The following CSMD1 variants were observed in gnomAD, a reference collection of about 807,000 sequenced individuals.
CSMD1 encodes CUB and Sushi multiple domains 1, also known as CUB and sushi domain-containing protein 1.
CSMD1 carries 213 observed loss-of-function variants against 417.5 expected under a neutral mutation model. The ratio of observed to expected loss-of-function variants is 0.51; its 90% CI spans 0.46 to 0.57. CSMD1 has a LOEUF of 0.57. Ranked by LOEUF, CSMD1 falls within the 20% of genes least tolerant of loss-of-function variation. The probability of loss-of-function intolerance (pLI) is 0.00; values close to 1 mark genes in which losing one functional copy is unlikely to be tolerated. For missense variants in CSMD1, 6,923 were observed against 4,529.7 expected (o/e 1.53, Z -15.17); for synonymous variants, 2,862 against 1,736.8 (o/e 1.65, Z -16.11).
At chr8:3,669,466 A>AGAGG (rs1798873658) in intron 7 of CSMD1, among the ~76,000 whole-genome samples, 1 of 152,134 alleles carries the variant, frequency 6.6e-6, no homozygotes, top group Admixed American at 6.6e-5. Context: ...TCATTCATTC[A>AGAGG]ACATCAGTAA....
Position 3,097,047 on chromosome 8 carries a change from A to G in CSMD1, c.6950-10T>C. 6.6e-7 allele frequency: 1 copy of G among 1,511,578 alleles called. No individual in the cohort carries two copies. Among genetic ancestry groups the G allele is most frequent in the Admixed American group, 2.3e-5 (1 of 43,828 alleles). The allele number at this position is 1,511,578 out of a possible 1,614,324, so 93.6% of individuals were successfully genotyped here. ...TTTGCTGGGCATTGTGCTGGAGAGAAAAGTACCAGCAAAAGTTTGCTTTAA... is the reference window on the plus strand; with the variant it reads ...TTTGCTGGGCATTGTGCTGGAGAGAGAAGTACCAGCAAAAGTTTGCTTTAA... On this transcript the variant is annotated splice_polypyrimidine_tract_variant and intron_variant, in intron 46 of 69. Coordinates refer to ENST00000635120, the MANE Select transcript of CSMD1 (RefSeq NM_033225.6).
At chr8:3,150,387 C>G (rs1224920998) in intron 40 of CSMD1, among the ~76,000 whole-genome samples, 1 of 152,168 alleles carries the variant, frequency 6.6e-6, no homozygotes, top group Non-Finnish European at 1.5e-5. Flanking sequence ...GCATTTCCCA[C>G]GTCCAGCGCC....
intron 5 of CSMD1, among the ~76,000 whole-genome samples, chr8:3,829,591 A>G (rs753354915): frequency 2.0e-4 from 31 of 152,160 alleles, no homozygotes; most frequent in Non-Finnish European, 4.3e-4. Context: ...ACTTAGAATA[A>G]TGATGGGCCC....
chr8:4,922,654 G>A (rs569202853), intron 1 of CSMD1, among the ~76,000 whole-genome samples: 12 of 152,230 alleles, frequency 7.9e-5, no homozygotes, highest in East Asian at 3.9e-4. Context: ...CAGTTCACAT[G>A]GTGCAGCCTG....
chr8:4,862,230 A>T (rs1236032083), intron 1 of CSMD1, among the ~76,000 whole-genome samples: 4 of 151,978 alleles, frequency 2.6e-5, no homozygotes, highest in African/African-American at 9.7e-5. Flanking sequence ...ACAGAAAGTG[A>T]GGTAGAGAGG....
chr8:4,266,992 CTT>C (rs1480440731), intron 3 of CSMD1, among the ~76,000 whole-genome samples: 1 of 104,272 alleles, frequency 9.6e-6, no homozygotes, highest in African/African-American at 2.6e-5. Flanking sequence ...ATAAAAATCA[CTT>C]TTGTGATTTT....
At chr8:3,541,641 T>G (rs960669645) in intron 10 of CSMD1, among the ~76,000 whole-genome samples, 1 of 149,954 alleles carries the variant, frequency 6.7e-6, no homozygotes, top group African/African-American at 2.4e-5. Flanking sequence ...CGTTCTTCAC[T>G]AATCAAATTA....
chr8:4,220,519 A>C (rs1342482668), intron 3 of CSMD1, among the ~76,000 whole-genome samples: 1 of 152,218 alleles, frequency 6.6e-6, no homozygotes, highest in African/African-American at 2.4e-5. Context: ...TCCTAGTGCA[A>C]GAGTGGAAAC....
intron 3 of CSMD1, among the ~76,000 whole-genome samples, chr8:4,380,020 G>A (rs903813701): frequency 1.3e-5 from 2 of 152,212 alleles, no homozygotes; most frequent in Admixed American, 6.5e-5. Context: ...GAAACTCAAT[G>A]TGGGTAGCCC....
chr8:3,776,496 T>A (rs1563068753), intron 5 of CSMD1, among the ~76,000 whole-genome samples: 2 of 152,134 alleles, frequency 1.3e-5, no homozygotes, highest in Admixed American at 1.3e-4. Flanking sequence ...CATTTCCTGC[T>A]CTCTCTTAAA....
At chr8:3,818,559 G>A (rs542154263) in intron 5 of CSMD1, among the ~76,000 whole-genome samples, 1 of 152,252 alleles carries the variant, frequency 6.6e-6, no homozygotes, top group East Asian at 1.9e-4. Flanking sequence ...AGACTAGCCA[G>A]CATGAAGACG....
chr8:4,246,208 T>C (rs934213956), intron 3 of CSMD1, among the ~76,000 whole-genome samples: 1 of 152,170 alleles, frequency 6.6e-6, no homozygotes, highest in African/African-American at 2.4e-5. Flanking sequence ...CAGTGTGTGT[T>C]GTTCCCCCAG....
chr8:4,022,386 A>G (rs1021131263), intron 4 of CSMD1, among the ~76,000 whole-genome samples: 2 of 152,084 alleles, frequency 1.3e-5, no homozygotes, highest in African/African-American at 4.8e-5. Flanking sequence ...TGTAAAAATT[A>G]TGGGAGGACA....
At chr8:3,254,072 G>A (rs2117047949) in intron 26 of CSMD1, among the ~76,000 whole-genome samples, 1 of 152,272 alleles carries the variant, frequency 6.6e-6, no homozygotes, top group South Asian at 2.1e-4. Flanking sequence ...CAGGCCTGGT[G>A]GTGACAGAAT....
At chr8:4,096,549 A>C (rs1801020959) in intron 3 of CSMD1, among the ~76,000 whole-genome samples, 1 of 150,382 alleles carries the variant, frequency 6.6e-6, no homozygotes, top group South Asian at 2.1e-4. Flanking sequence ...ATCCTTTCTT[A>C]ACGATTGATA....
At chr8:4,111,532 C>A (rs934070693) in intron 3 of CSMD1, among the ~76,000 whole-genome samples, 20 of 152,270 alleles carry the variant, frequency 1.3e-4, no homozygotes, top group African/African-American at 4.8e-4. Flanking sequence ...ACGCCCATCA[C>A]TGATAGACTG....
At chr8:4,077,627 T>C (rs569108547) in intron 3 of CSMD1, among the ~76,000 whole-genome samples, 2 of 152,066 alleles carry the variant, frequency 1.3e-5, no homozygotes, top group Non-Finnish European at 2.9e-5. Context: ...TCAAGGTCAG[T>C]AGATCCACCC....
chr8:4,956,578 A>G (rs550436702), intron 1 of CSMD1, among the ~76,000 whole-genome samples: 10 of 150,596 alleles, frequency 6.6e-5, no homozygotes, highest in East Asian at 3.9e-4. Context: ...TTTAAAATAC[A>G]TGTGTATATC....
chr8:4,825,032 C>T (rs902753411), intron 1 of CSMD1, among the ~76,000 whole-genome samples: 1 of 152,128 alleles, frequency 6.6e-6, no homozygotes, highest in Admixed American at 6.6e-5. Flanking sequence ...AGGTTTTTAT[C>T]CTTTTTGAAG....
Sources: allele counts gnomAD v4.1 joint callset (sites outside exome capture counted in the v4.1 genomes callset), GRCh38; gene constraint gnomAD v4.1.1; transcripts MANE v1.5; gene names NCBI Gene and HGNC (gene_info 2026-07-23, HGNC 2026-07-21).